The following DPH6 variants were observed in gnomAD, a reference collection of about 807,000 sequenced individuals.
DPH6 encodes the protein diphthine--ammonia ligase.
In DPH6, 33 loss-of-function variants were observed where a neutral mutation model predicts 38.2. That is an observed-to-expected ratio of 0.86 (90% CI 0.65 to 1.15). The LOEUF is 1.15. Among genes scored for constraint, DPH6 ranks in the 50% most tolerant of loss-of-function variants. DPH6 has a pLI of 0.00. For synonymous variants in DPH6, 108 were observed against 103.0 expected (o/e 1.05, Z -0.30); for missense variants, 325 against 320.0 (o/e 1.02, Z -0.12).
At chr15:35,464,383 C>T (rs1361802012) in intron 3 of DPH6, among the ~76,000 whole-genome samples, 2 of 151,528 alleles carry the variant, frequency 1.3e-5, no homozygotes, top group Non-Finnish European at 2.9e-5. Flanking sequence ...TATAGGATAA[C>T]ATTAGGAAAT....
At chr15:35,306,984 A>C (rs1208925437) in intron 3 of DPH6, among the ~76,000 whole-genome samples, 4 of 152,218 alleles carry the variant, frequency 2.6e-5, no homozygotes, top group Non-Finnish European at 5.9e-5. Context: ...TTCAGGGATA[A>C]AGAAAAGTAG....
At chr15:35,311,105 G>A (rs1478711975) in intron 3 of DPH6, among the ~76,000 whole-genome samples, 1 of 150,762 alleles carries the variant, frequency 6.6e-6, no homozygotes, top group Admixed American at 6.6e-5. Flanking sequence ...AAAAAAACCA[G>A]ATCATAAGTT....
intron 3 of DPH6, among the ~76,000 whole-genome samples, chr15:35,254,773 C>A (rs911698008): frequency 1.3e-5 from 2 of 151,270 alleles, no homozygotes; most frequent in African/African-American, 4.9e-5. Context: ...AGAGAGTCAG[C>A]GAAGGGAGAT....
intron 3 of DPH6, among the ~76,000 whole-genome samples, chr15:35,281,072 T>C (rs1394498226): frequency 6.6e-6 from 1 of 152,146 alleles, no homozygotes; most frequent in Non-Finnish European, 1.5e-5. Flanking sequence ...TCATTTAGCA[T>C]TAGGTATATC....
At chr15:35,358,567 A>T (rs946721884) in intron 3 of DPH6, among the ~76,000 whole-genome samples, 7 of 152,202 alleles carry the variant, frequency 4.6e-5, no homozygotes, top group Non-Finnish European at 7.3e-5. Context: ...CTTTTGTCCC[A>T]TGGGGTGTTC....
intron 3 of DPH6, among the ~76,000 whole-genome samples, chr15:35,279,537 C>T (rs555656492): frequency 6.6e-6 from 1 of 152,140 alleles, no homozygotes; most frequent in East Asian, 1.9e-4. Context: ...GCTGTCCTCC[C>T]CATAAGTGGG....
At chr15:35,321,043 G>A (rs2052236351) in intron 3 of DPH6, among the ~76,000 whole-genome samples, 1 of 152,204 alleles carries the variant, frequency 6.6e-6, no homozygotes, top group Non-Finnish European at 1.5e-5. Context: ...AGCAACTGGG[G>A]AAGTCACAAA....
chr15:35,332,523 C>T (rs1248431429), intron 3 of DPH6, among the ~76,000 whole-genome samples: 2 of 152,058 alleles, frequency 1.3e-5, no homozygotes, highest in Non-Finnish European at 2.9e-5. Flanking sequence ...AACACATTGT[C>T]TTAATTGTAC....
chr15:35,470,977 T>C (rs535405804), intron 3 of DPH6, among the ~76,000 whole-genome samples: 2 of 151,902 alleles, frequency 1.3e-5, no homozygotes, highest in Admixed American at 6.6e-5. Context: ...GAAAAAAAAA[T>C]AGAGAAATAG....
chr15:35,350,425 G>T (rs2052500211), intron 3 of DPH6, among the ~76,000 whole-genome samples: 1 of 147,558 alleles, frequency 6.8e-6, no homozygotes, highest in Non-Finnish European at 1.5e-5. Context: ...TTTATTCTCT[G>T]CTTCATTACT....
chr15:35,223,026 G>GTTA (rs1566842878), intron 3 of DPH6, among the ~76,000 whole-genome samples: 2 of 152,122 alleles, frequency 1.3e-5, no homozygotes, highest in African/African-American at 4.8e-5. Context: ...TTTCACAGTT[G>GTTA]TAACAAGTTA....
At chr15:35,518,348 CTGG>C (rs1328754457) in intron 3 of DPH6, among the ~76,000 whole-genome samples, 2 of 151,948 alleles carry the variant, frequency 1.3e-5, no homozygotes, top group Non-Finnish European at 2.9e-5. Flanking sequence ...TTCTTCGTAG[CTGG>C]TGGAGAAAAC....
rs76628210 is a variant in DPH6 at position 35,529,078 on chromosome 15, A to C, written c.312+9196T>G. Among the ~76,000 whole-genome samples, 470 of 152,324 alleles carry C rather than the reference A, an allele frequency of 3.1e-3. 3 individuals carry two copies. In the East Asian group the frequency reaches 0.034, roughly 11 times the overall value. On this transcript the variant is annotated intron_variant, in intron 3 of 8. Transcript: ENST00000256538. ...CTAAGAACTTCCGGTAATTTTTAAC[A>C]TTCTCTTAGCCATCCTCCAATGTCT...
At chr15:35,266,947 A>T (rs1004780551) in intron 3 of DPH6, among the ~76,000 whole-genome samples, 1 of 152,196 alleles carries the variant, frequency 6.6e-6, no homozygotes, top group African/African-American at 2.4e-5. Context: ...TGCAAAACTG[A>T]GTAAAATAAT....
chr15:35,391,545 G>T (rs1273769847), intron 6 of DPH6, among the ~76,000 whole-genome samples: 2 of 152,084 alleles, frequency 1.3e-5, no homozygotes, highest in Admixed American at 1.3e-4. Flanking sequence ...GCAATGGTGG[G>T]CGCCCCTCCC....
chr15:35,450,805 TA>T lies in DPH6; in HGVS notation c.387-3del. 2 of 1,586,912 alleles carry T rather than the reference TA, an allele frequency of 1.3e-6. No homozygotes were observed. ...GGCTGGAGATTAAGCCTTTTACACC[TA>T]CAAAAGAAAAAGAAAAAGAAAGTCA... On this transcript the variant is annotated splice_polypyrimidine_tract_variant and splice_region_variant and intron_variant, in intron 4 of 8. Coordinates refer to ENST00000256538, the MANE Select transcript of DPH6 (RefSeq NM_080650.4).
At chr15:35,516,659 C>T (rs2054851689) in intron 3 of DPH6, among the ~76,000 whole-genome samples, 1 of 152,132 alleles carries the variant, frequency 6.6e-6, no homozygotes, top group Non-Finnish European at 1.5e-5. Context: ...CATTGATCAT[C>T]ATTAAAGGAT....
chr15:35,225,516 G>A (rs2051474546), intron 3 of DPH6, among the ~76,000 whole-genome samples: 1 of 152,192 alleles, frequency 6.6e-6, no homozygotes. Flanking sequence ...GGCCATTGGA[G>A]ACGTGTTCAG....
chr15:35,374,439 C>T (rs1335011855), intron 7 of DPH6, among the ~76,000 whole-genome samples: 4 of 151,834 alleles, frequency 2.6e-5, no homozygotes, highest in East Asian at 3.9e-4. Flanking sequence ...GACATTTTGT[C>T]GCTAATGTAA....
Sources: allele counts gnomAD v4.1 joint callset (sites outside exome capture counted in the v4.1 genomes callset), GRCh38; gene constraint gnomAD v4.1.1; transcripts MANE v1.5; gene names NCBI Gene and HGNC (gene_info 2026-07-23, HGNC 2026-07-21).